PAICS: variants seen among roughly 807,000 people sequenced by gnomAD.
PAICS encodes the protein bifunctional phosphoribosylaminoimidazole carboxylase/phosphoribosylaminoimidazole succinocarboxamide synthetase.
A neutral mutation model predicts 53.7 loss-of-function variants in PAICS; 33 were observed. The ratio of observed to expected loss-of-function variants is 0.61; its 90% CI spans 0.47 to 0.82. PAICS has a LOEUF of 0.82. Ranked by LOEUF, PAICS falls within the 40% of genes least tolerant of loss-of-function variation. PAICS has a pLI of 0.00. For missense variants in PAICS, 394 were observed against 494.1 expected, an observed-to-expected ratio of 0.80 and a Z score of 1.92; for synonymous variants, 141 against 167.2, an observed-to-expected ratio of 0.84 and a Z score of 1.21.
chr4:56,436,111 C>G, upstream of PAICS: 1 of 1,474,930 alleles, frequency 6.8e-7, no homozygotes, highest in Admixed American at 2.4e-5. Context: ...GCCAGTGGGG[C>G]GTTGTTTCGT....
chr4:56,433,555 G>T (rs1192760271), upstream of PAICS, among the ~76,000 whole-genome samples: 2 of 151,278 alleles, frequency 1.3e-5, no homozygotes, highest in East Asian at 3.9e-4. Context: ...GAGAAAGGGG[G>T]ATGAAAATTT....
At chr4:56,414,123 A>G in the PAICS span, 1 of 152,158 alleles carries the variant, frequency 6.6e-6, no homozygotes, top group Non-Finnish European at 1.5e-5. Flanking sequence ...AGAATCCAAA[A>G]ATTTTTAAGG....
At chr4:56,436,068 C>CG (rs1164451361), upstream of PAICS, 9 of 1,492,168 alleles carry the variant, frequency 6.0e-6, no homozygotes, top group African/African-American at 2.8e-5. Context: ...GGCCCGGAGG[C>CG]GGGGTCGCGT....
At chr4:56,451,627 T>C (rs1286921919) in intron 6 of PAICS, among the ~76,000 whole-genome samples, 1 of 152,232 alleles carries the variant, frequency 6.6e-6, no homozygotes, top group Non-Finnish European at 1.5e-5. Flanking sequence ...TGAGTATCTT[T>C]ACTGTTTATT....
chr4:56,426,580 C>T, the PAICS span, among the ~76,000 whole-genome samples: 1 of 152,282 alleles, frequency 6.6e-6, no homozygotes, highest in South Asian at 2.1e-4. Flanking sequence ...CACGGTTCAT[C>T]CACGTTGTAG....
chr4:56,450,490 A>C (rs1356916200), intron 5 of PAICS, 129 bp from the exon 6 acceptor site: 1 of 601,342 alleles, frequency 1.7e-6, no homozygotes, highest in African/African-American at 1.9e-5. Context: ...TCAGGAAGTG[A>C]AAAGATGCAT....
chr4:56,410,545 T>C, the PAICS span: 3 of 986,318 alleles, frequency 3.0e-6, no homozygotes, highest in Non-Finnish European at 3.6e-6. Context: ...AGCACTGGAC[T>C]GAGGAGGAGG....
chr4:56,433,267 A>C (rs1053129371), upstream of PAICS, among the ~76,000 whole-genome samples: 3 of 151,878 alleles, frequency 2.0e-5, no homozygotes, highest in African/African-American at 7.2e-5. Context: ...TCAGTAATAC[A>C]TTTGTTCCTC....
chr4:56,427,380 TG>T, the PAICS span, among the ~76,000 whole-genome samples: 1 of 152,230 alleles, frequency 6.6e-6, no homozygotes, highest in Non-Finnish European at 1.5e-5. Context: ...GGAGTGGAAT[TG>T]CTTGGTCATA....
chr4:56,423,306 T>C, the PAICS span: 105 of 152,342 alleles, frequency 6.9e-4, no homozygotes, highest in African/African-American at 2.3e-3. Context: ...ATCACAGCTA[T>C]GGCCTTTGTC....
the PAICS span, among the ~76,000 whole-genome samples, chr4:56,415,612 A>T: frequency 2.0e-5 from 3 of 152,338 alleles, no homozygotes; most frequent in African/African-American, 7.2e-5. Flanking sequence ...TCAATAAATT[A>T]TATAAGATAC....
chr4:56,441,429 G>A (rs1232469934), intron 1 of PAICS, among the ~76,000 whole-genome samples: 1 of 152,014 alleles, frequency 6.6e-6, no homozygotes, highest in Non-Finnish European at 1.5e-5. Flanking sequence ...TTTGATTTCT[G>A]CTTTACTAAT....
At chr4:56,419,480 G>A in the PAICS span, 1 of 167,782 alleles carries the variant, frequency 6.0e-6, no homozygotes, top group Non-Finnish European at 1.2e-5. Context: ...CACTGTTTAA[G>A]AGAAAAGCTA....
At chr4:56,458,851 T>C (rs979397255) in intron 8 of PAICS, among the ~76,000 whole-genome samples, 1 of 152,232 alleles carries the variant, frequency 6.6e-6, no homozygotes, top group Non-Finnish European at 1.5e-5. Flanking sequence ...TTGGATCTTA[T>C]TAATATTTAT....
At chr4:56,426,432 A>G in the PAICS span, among the ~76,000 whole-genome samples, 1 of 151,826 alleles carries the variant, frequency 6.6e-6, no homozygotes, top group Non-Finnish European at 1.5e-5. Flanking sequence ...CCCCATATCC[A>G]TCAGTAGTTT....
intron 6 of PAICS, chr4:56,451,079 A>C (rs777424824): frequency 1.2e-5 from 2 of 164,222 alleles, no homozygotes; most frequent in Non-Finnish European, 2.6e-5. Context: ...GGCCTCCCAA[A>C]GTGCCGGGAT....
upstream of PAICS, chr4:56,435,221 G>T: frequency 1.5e-6 from 2 of 1,360,952 alleles, no homozygotes; most frequent in Non-Finnish European, 1.0e-6. Context: ...GACGCCACAG[G>T]CAGGTACTGG....
intron 7 of PAICS, among the ~76,000 whole-genome samples, chr4:56,453,158 T>G (rs1018462144): frequency 6.6e-6 from 1 of 152,218 alleles, no homozygotes; most frequent in Non-Finnish European, 1.5e-5. Flanking sequence ...AATTAAACTT[T>G]CCTTCAACTC....
intron 8 of PAICS, among the ~76,000 whole-genome samples, chr4:56,457,026 C>G (rs533877629): frequency 6.6e-6 from 1 of 152,130 alleles, no homozygotes; most frequent in Non-Finnish European, 1.5e-5. Context: ...ACATTAGTGT[C>G]TAGGTATTTT....
Sources: allele counts gnomAD v4.1 joint callset (sites outside exome capture counted in the v4.1 genomes callset), GRCh38; gene constraint gnomAD v4.1.1; transcripts MANE v1.5; gene names NCBI Gene and HGNC (gene_info 2026-07-23, HGNC 2026-07-21).